Variants in LAMA1 observed in about 807,000 individuals in gnomAD.
LAMA1 encodes laminin subunit alpha 1.
Under a neutral mutation model 348.7 loss-of-function variants are expected in LAMA1, and 219 were observed. The observed-to-expected ratio is 0.63, with a 90% confidence interval of 0.56 to 0.70. The LOEUF is 0.70. Ranked by LOEUF, LAMA1 falls within the 30% of genes least tolerant of loss-of-function variation. The pLI, the probability that LAMA1 is intolerant of heterozygous loss-of-function variation, is 0.00. For synonymous variants in LAMA1, 1,487 were observed against 1,491.0 expected (o/e 1.00, Z 0.06); for missense variants, 3,744 against 3,888.0 (o/e 0.96, Z 0.99).
Position 7,116,625 on chromosome 18 carries a change from G to A in LAMA1, c.61+1035C>T, listed in dbSNP as rs572765657. Among the ~76,000 whole-genome samples the A allele has an allele frequency of 3.3e-5, 5 of 152,158 alleles. No individual in the cohort carries two copies. In the South Asian group the frequency reaches 1.0e-3, roughly 32 times the overall value. The stretch of plus-strand genomic sequence containing the variant: ...TTTTTTTTTAATGAAGTTTATATTC[G>A]TGGGAATACGCCCATTGTCATGTGC... On this transcript the variant is annotated intron_variant, in intron 1 of 62. Transcript: ENST00000389658.
In LAMA1 at chr18:6,977,748, C is replaced by A. The variant is rs1288996109; in HGVS notation, c.6324G>T (p.Gln2108His). Residue 2108 changes from glutamine (Q) to histidine (H), a missense_variant, in exon 44 of 63, where the codon CAG becomes CAT. Physicochemically the swap from Gln to His is conservative, Grantham distance 24. Transcript: ENST00000389658. ...NLSEIKLLIS[Q>H]ARKQAASIKV... ...TCACAGAAGCTGCTTGTTTGCGGGCCTGGCTGATCAACAGTTTAATTTCTG... is the reference window on the plus strand; with the variant it reads ...TCACAGAAGCTGCTTGTTTGCGGGCATGGCTGATCAACAGTTTAATTTCTG... 6.2e-7 allele frequency: 1 copy of A among 1,614,142 alleles called. No individual in the cohort carries two copies. The highest frequency in any genetic ancestry group is 1.7e-5 in the Admixed American group (1 of 60,024).
chr18:7,002,940 G>A (rs2057814601), intron 29 of LAMA1, among the ~76,000 whole-genome samples: 1 of 151,600 alleles, frequency 6.6e-6, no homozygotes, highest in Non-Finnish European at 1.5e-5. Flanking sequence ...GAGTGCAGTG[G>A]TGCAATCATA....
Position 7,080,010 on chromosome 18 carries a change from A to C in LAMA1, c.310T>G (p.Tyr104Asp). 6.2e-7 allele frequency: 1 copy of C among 1,614,108 alleles called. No individual in the cohort carries two copies. The highest frequency in any genetic ancestry group is 8.5e-7 in the Non-Finnish European group (1 of 1,179,964). ...QSPSIQNGRE[Y>D]HWVTITLDLR... ...TCCAGAGTGATTGTGACCCAGTGAT[A>C]TTCTCTCCCATTCTGAATGCTGGGA... The change falls in exon 3 of 63, where the codon TAT becomes GAT. Residue 104 changes from tyrosine to aspartate, a missense_variant. By Grantham distance (160) the Tyr-to-Asp change is radical (BLOSUM62 -3). This residue lies in a region of LAMA1 where 1,529 missense variants were observed against 1,689.4 expected (regional missense o/e 0.91). Coordinates refer to ENST00000389658, the MANE Select transcript of LAMA1 (RefSeq NM_005559.4).
chr18:7,098,082 C>A (rs952268079), intron 1 of LAMA1, among the ~76,000 whole-genome samples: 1 of 150,394 alleles, frequency 6.6e-6, no homozygotes, highest in Non-Finnish European at 1.5e-5. Context: ...AGCCCCTAAC[C>A]GCAAGTAATC....
intron 46 of LAMA1, among the ~76,000 whole-genome samples, chr18:6,974,474 G>A (rs1354058321): frequency 2.2e-5 from 1 of 46,136 alleles, no homozygotes; most frequent in Non-Finnish European, 4.1e-5. Flanking sequence ...TTTTTTTTTT[G>A]AGATGGGAGT....
At chr18:6,965,967 A>G (rs1303527762) in intron 49 of LAMA1, 180 bp downstream of exon 49, 3 of 670,640 alleles carry the variant, frequency 4.5e-6, no homozygotes, top group African/African-American at 1.8e-5. Context: ...GATAATAAAT[A>G]ATTTAAAATG....
chr18:7,116,422 C>G (rs1457003172), intron 1 of LAMA1, among the ~76,000 whole-genome samples: 1 of 152,208 alleles, frequency 6.6e-6, no homozygotes, highest in Admixed American at 6.5e-5. Flanking sequence ...CCTGGCTCTG[C>G]GCAGCAGACT....
chr18:6,946,860 AG>A (rs1178892466), intron 61 of LAMA1, among the ~76,000 whole-genome samples: 14 of 152,354 alleles, frequency 9.2e-5, no homozygotes, highest in African/African-American at 2.9e-4. Flanking sequence ...AAAAATTATT[AG>A]AAGGGATAGG....
Position 7,038,885 on chromosome 18 carries a change from G to C in LAMA1, c.1488C>G (p.Asn496Lys). The part of the protein sequence containing the change: ...KPGFYNLKEK[N>K]PRGCSECFCF... ...AGAAGCACTCGGAGCAGCCCCGGGG[G>C]TTTTTTTCCTTCAAGTTATAGAATC... The change falls in exon 11 of 63, where the codon AAC (asparagine) becomes AAG (lysine). Residue 496 changes from asparagine (N) to lysine (K), a missense_variant. Transcript: ENST00000389658. The C allele has an allele frequency of 1.2e-6, 2 of 1,614,038 alleles. No individual in the cohort carries two copies. The highest frequency in any genetic ancestry group is 4.5e-5 in the East Asian group (2 of 44,874).
At chr18:6,955,027 G>C (rs2057568719) in intron 57 of LAMA1, 1 of 383,332 alleles carries the variant, frequency 2.6e-6, no homozygotes, top group Non-Finnish European at 5.0e-6. Context: ...AATGCTTAAA[G>C]TGGAATGGGG....
At chr18:7,085,543 A>C (rs200651820) in intron 1 of LAMA1, among the ~76,000 whole-genome samples, 236 of 150,050 alleles carry the variant, frequency 1.6e-3, no homozygotes, top group African/African-American at 5.0e-3. Context: ...CTCAGCCTCC[A>C]GAGTAGCTGG....
At chr18:7,080,602 A>C in intron 1 of LAMA1, 145 bp from the exon 2 acceptor site, 1 of 867,412 alleles carries the variant, frequency 1.2e-6, no homozygotes. Flanking sequence ...CCGTATACGC[A>C]GCATGGTTTC....
chr18:7,078,445 C>T (rs1016299479), intron 3 of LAMA1, among the ~76,000 whole-genome samples: 8 of 151,782 alleles, frequency 5.3e-5, no homozygotes, highest in African/African-American at 1.4e-4. Flanking sequence ...GGATTACAGG[C>T]GTGAGCCACC....
In LAMA1 at chr18:6,950,864, C is replaced by T. The variant is rs548903685; in HGVS notation, c.8315G>A (p.Arg2772His). 445 of 1,614,118 alleles carry T rather than the reference C, an allele frequency of 2.8e-4. 7 individuals carry two copies. The South Asian group carries it at 4.3e-3, about 16-fold the overall frequency. The stretch of plus-strand genomic sequence containing the variant: ...GCCAAGGTCAAACATGAAGTGGAGG[C>T]GGCCCCCGTGCAGCTGGAGCACAGC... ...DYAVLQLHGG[R>H]LHFMFDLGKG... Residue 2772 changes from arginine (R) to histidine (H), a missense_variant, in exon 58 of 63, where the codon CGC becomes CAC. Physicochemically the swap from Arg to His is conservative, Grantham distance 29 (BLOSUM62 0). Around this residue, in one of 3 missense-constraint regions of LAMA1, gnomAD observed 1,983 missense variants for 1,934.3 expected, o/e 1.03. Transcript: ENST00000389658.
In LAMA1 at chr18:7,028,482, A is replaced by T. The variant is rs112941523; in HGVS notation, c.2275-2376T>A. Among the ~76,000 whole-genome samples the T allele has an allele frequency of 8.2e-3, 1,252 of 152,320 alleles. 19 individuals are homozygous for T. The highest frequency in any genetic ancestry group is 0.028 in the African/African-American group (1,148 of 41,572). ...CATGTAAGCCACAAGGCAACAGAAC[A>T]ATATTAAAGTACTGAAAGAGAAATC... is the stretch of plus-strand genomic sequence containing the variant. On this transcript the variant is annotated intron_variant, in intron 16 of 62. Transcript: ENST00000389658.
At chr18:7,055,112 CTGTGTGTGTG>C (rs147015838) in intron 3 of LAMA1, among the ~76,000 whole-genome samples, 1 of 145,234 alleles carries the variant, frequency 6.9e-6, no homozygotes, top group African/African-American at 2.5e-5. Context: ...CAAGGGTCAG[CTGTGTGTGTG>C]TGTGTGTGTG....
intron 57 of LAMA1, among the ~76,000 whole-genome samples, chr18:6,953,353 G>T (rs1480929704): frequency 6.6e-6 from 1 of 152,286 alleles, no homozygotes. Flanking sequence ...CACAAGAGGA[G>T]TGATGCTGGC....
intron 1 of LAMA1, among the ~76,000 whole-genome samples, chr18:7,095,783 C>G (rs2058258519): frequency 6.6e-6 from 1 of 152,228 alleles, no homozygotes; most frequent in Non-Finnish European, 1.5e-5. Flanking sequence ...GAAAACACTT[C>G]AGTAGGCCAG....
At chr18:6,995,573 T>TAA (rs200746080) in intron 33 of LAMA1, 127 bp from the exon 34 acceptor site, 2 of 659,108 alleles carry the variant, frequency 3.0e-6, no homozygotes, top group African/African-American at 3.7e-5. Flanking sequence ...ACTGTCATTT[T>TAA]AAAAAAAAAT....
Sources: allele counts gnomAD v4.1 joint callset (sites outside exome capture counted in the v4.1 genomes callset), GRCh38; gene constraint gnomAD v4.1.1; regional missense constraint gnomAD v4.1.1; transcripts MANE v1.5; gene names NCBI Gene and HGNC (gene_info 2026-07-23, HGNC 2026-07-21).